GDPGP1: variants seen among roughly 807,000 people sequenced by gnomAD.
The protein encoded by GDPGP1 is GDP-D-glucose phosphorylase C15orf58.
In GDPGP1, 18 loss-of-function variants were observed where a neutral mutation model predicts 19.2. The ratio of observed to expected loss-of-function variants is 0.94; its 90% CI spans 0.65 to 1.39. GDPGP1 has a LOEUF of 1.39. Among genes scored for constraint, GDPGP1 ranks in the 40% most tolerant of loss-of-function variants. The probability of loss-of-function intolerance (pLI) is 0.00; values close to 1 mark genes in which losing one functional copy is unlikely to be tolerated. For synonymous variants in GDPGP1, 219 were observed against 208.9 expected (o/e 1.05, Z -0.42); for missense variants, 449 against 490.5 (o/e 0.92, Z 0.80).
In GDPGP1 at chr15:90,245,607, CA is replaced by C. The variant is rs1190242777; in HGVS notation, c.*3542del. On this transcript the variant is annotated 3_prime_UTR_variant, in exon 4 of 4. Transcript: ENST00000329600. ...TTTGCATGCATAAGCTCCAGTATCA[CA>C]CTTAATTTTGCTTGCTTGCTCTCTG... The C allele has an allele frequency of 3.3e-5, 5 of 152,100 alleles. No homozygotes were observed. Among genetic ancestry groups the C allele is most frequent in the African/African-American group, 1.2e-4 (5 of 41,410 alleles). The allele number at this position is 152,100 out of a possible 1,614,324, so 9.4% of individuals were successfully genotyped here.
chr15:90,236,191 A>AC (rs1256410023), intron 2 of GDPGP1: 2 of 152,186 alleles, frequency 1.3e-5, no homozygotes, highest in Non-Finnish European at 1.5e-5. Flanking sequence ...GGCATGTGCC[A>AC]CCACACCCAG....
At position 90,244,096 on chromosome 15, in the gene GDPGP1, G is replaced by A. The variant is rs1166629820; in HGVS notation, c.*2030G>A. On this transcript the variant is annotated 3_prime_UTR_variant, in exon 4 of 4. Transcript: ENST00000329600. ...CCCCATTCAAAACGGGATGGAGACT[G>A]ACAGTTTGTACTTTGTTCAAGGTCA... 1 of 152,186 alleles carries A rather than the reference G, an allele frequency of 6.6e-6. No individual in the cohort carries two copies. The highest frequency in any genetic ancestry group is 1.5e-5 in the Non-Finnish European group (1 of 68,052). 9.4% of individuals were successfully genotyped at this position (152,186 alleles called of 1,614,324 possible).
intron 2 of GDPGP1, among the ~76,000 whole-genome samples, chr15:90,235,691 C>G (rs867901650): frequency 1.3e-5 from 2 of 151,764 alleles, no homozygotes; most frequent in African/African-American, 2.4e-5. Context: ...CCTTAGCCTC[C>G]CCAGCAGCTG....
At chr15:90,239,305 ATGTGTGTGTGTGTGTGTG>A (rs4031525) in intron 3 of GDPGP1, among the ~76,000 whole-genome samples, 2 of 147,872 alleles carry the variant, frequency 1.4e-5, no homozygotes, top group African/African-American at 2.5e-5. Flanking sequence ...GAGACATAAA[ATGTGTGTGTGTGTGTGTG>A]TGTGTGTGTG....
rs138559985 is a variant in GDPGP1, at chr15:90,241,439, C to T, written c.531C>T (p.Leu177=). The T allele has an allele frequency of 6.3e-4, 1,011 of 1,613,376 alleles. 8 individuals are homozygous for T. In the African/African-American group the frequency reaches 0.012, roughly 20 times the overall value. Reference sequence around the variant, plus strand: ...TGGTGCCTGAGCCTGCCCGCCAGCTCCCCCAGCGCCTGCTGCCGGGTGCAC... The same window carrying T: ...TGGTGCCTGAGCCTGCCCGCCAGCTTCCCCAGCGCCTGCTGCCGGGTGCAC... ...VLLVPEPARQ[L]PQRLLPGALR... Residue 177 remains leucine, a synonymous_variant, in exon 4 of 4, where the codon CTC becomes CTT. Transcript: ENST00000329600.
At chr15:90,234,980 C>T (rs957503242) in intron 2 of GDPGP1, among the ~76,000 whole-genome samples, 1 of 152,222 alleles carries the variant, frequency 6.6e-6, no homozygotes, top group African/African-American at 2.4e-5. Context: ...ATCCATTATA[C>T]TTGCTGATCT....
intron 2 of GDPGP1, 72 bp downstream of exon 2, chr15:90,234,668 A>G (rs1264177714): frequency 6.6e-6 from 1 of 152,162 alleles, no homozygotes; most frequent in African/African-American, 2.4e-5. Flanking sequence ...GGGCGCCGGC[A>G]TTTAGAAGGT....
At chr15:90,239,455 C>A (rs1347199764) in intron 3 of GDPGP1, among the ~76,000 whole-genome samples, 2 of 152,090 alleles carry the variant, frequency 1.3e-5, no homozygotes, top group African/African-American at 4.8e-5. Flanking sequence ...AGGAAACTTA[C>A]AATCATGACA....
rs938049729 is a variant in GDPGP1, at chr15:90,241,403, C to T, written c.495C>T (p.Gly165=). The change falls in exon 4 of 4, where the codon GGC becomes GGT. Residue 165 remains glycine (G), a synonymous_variant. Transcript: ENST00000329600. ...VVINVSPLEW[G]HVLLVPEPAR... Reference sequence around the variant, plus strand: ...TCAACGTCAGCCCCCTGGAGTGGGGCCACGTGCTGCTGGTGCCTGAGCCTG... The same window carrying T: ...TCAACGTCAGCCCCCTGGAGTGGGGTCACGTGCTGCTGGTGCCTGAGCCTG... 6.8e-6 allele frequency: 11 copies of T among 1,613,702 alleles called. No homozygotes were observed. In the African/African-American group the frequency reaches 1.3e-4, roughly 20 times the overall value.
chr15:90,240,262 C>T (rs1280003580), intron 3 of GDPGP1, among the ~76,000 whole-genome samples: 1 of 151,850 alleles, frequency 6.6e-6, no homozygotes, highest in Non-Finnish European at 1.5e-5. Flanking sequence ...AATCCCAGCA[C>T]TTTGGGAAGC....
Position 90,243,951 on chromosome 15 carries a change from T to C in GDPGP1, c.*1885T>C. On this transcript the variant is annotated 3_prime_UTR_variant, in exon 4 of 4. Transcript: ENST00000329600. The stretch of plus-strand genomic sequence containing the variant: ...CACTGCACCTGGCCTGAGTTTTTTT[T>C]TTTTTTTCTTGAATCAGAGTTTCAC... 1 of 151,554 alleles carries C rather than the reference T, an allele frequency of 6.6e-6. No homozygotes were observed. Among genetic ancestry groups the C allele is most frequent in the Non-Finnish European group, 1.5e-5 (1 of 68,018 alleles). The allele number at this position is 151,554 out of a possible 1,614,324, so 9.4% of individuals were successfully genotyped here. A position where few individuals can be genotyped will look rare whatever the true frequency, so the allele number is the denominator to read the frequency against.
At chr15:90,235,594 G>C (rs964484238) in intron 2 of GDPGP1, among the ~76,000 whole-genome samples, 1 of 151,894 alleles carries the variant, frequency 6.6e-6, no homozygotes, top group Admixed American at 6.5e-5. Flanking sequence ...TTGAGACAGA[G>C]TCTCGCTGTG....
rs1306481557 is a variant in GDPGP1 at position 90,242,339 on chromosome 15, G to A, written c.*273G>A. ...AGCGTTTCACCATGTTGCCCAGGCT[G>A]GTCTTGAACTCTTGGGCTGAAGCAG... On this transcript the variant is annotated 3_prime_UTR_variant, in exon 4 of 4. Transcript: ENST00000329600. 3 of 241,734 alleles carry A rather than the reference G, an allele frequency of 1.2e-5. No individual in the cohort carries two copies. Among genetic ancestry groups the A allele is most frequent in the African/African-American group, 4.7e-5 (2 of 42,580 alleles). 15.0% of individuals were successfully genotyped at this position (241,734 alleles called of 1,614,324 possible). A position where few individuals can be genotyped will look rare whatever the true frequency, so the allele number is the denominator to read the frequency against.
rs749418249 is a variant in GDPGP1, at chr15:90,241,231, C to T, written c.323C>T (p.Pro108Leu). Reference sequence around the variant, plus strand: ...GTGGAGCGTGGTGTGCAGAGGAGGCCCCCGCAGACCATCAAGAGTGTGAGG... The same window carrying T: ...GTGGAGCGTGGTGTGCAGAGGAGGCTCCCGCAGACCATCAAGAGTGTGAGG... Reference protein sequence around the residue: ...LNVERGVQRRPPQTIKSVRQA... With the variant: ...LNVERGVQRRLPQTIKSVRQA... Residue 108 changes from proline (P) to leucine (L), a missense_variant, in exon 4 of 4, where the codon CCC (proline) becomes CTC (leucine). Pro to Leu is a moderately conservative substitution (Grantham distance 98). Transcript: ENST00000329600. 6.0e-5 allele frequency: 97 copies of T among 1,614,012 alleles called. No individual in the cohort carries two copies. The highest frequency in any genetic ancestry group is 1.6e-4 in the Middle Eastern group (1 of 6,084).
Position 90,234,211 on chromosome 15 carries a change from A to G in GDPGP1, c.-223A>G, listed in dbSNP as rs8028260. 37,556 of 275,510 alleles carry G rather than the reference A, an allele frequency of 0.14. 3,769 individuals are homozygous for G. Among genetic ancestry groups the G allele is most frequent in the African/African-American group, 0.24 (10,738 of 44,936 alleles). The allele number at this position is 275,510 out of a possible 1,614,324, so 17.1% of individuals were successfully genotyped here. A position where few individuals can be genotyped will look rare whatever the true frequency, so the allele number is the denominator to read the frequency against. On this transcript the variant is annotated 5_prime_UTR_variant, in exon 1 of 4. The change abolishes an upstream ATG in the 5' untranslated region. Transcript: ENST00000329600. Reference sequence around the variant, plus strand: ...CCGCGCGCGTGCGTGCTGGCTGCGTATGCGTCACGGGCGTCATGACCTCGC... The same window carrying G: ...CCGCGCGCGTGCGTGCTGGCTGCGTGTGCGTCACGGGCGTCATGACCTCGC...
rs983787207 is a variant in GDPGP1 at position 90,243,647 on chromosome 15, T to G, written c.*1581T>G. ...CACCACACCTTGGTGCAGGTTTTTT[T>G]TTTTTTTTTTTTTTTTTTTTTTTGA... On this transcript the variant is annotated 3_prime_UTR_variant, in exon 4 of 4. Coordinates refer to ENST00000329600, the MANE Select transcript of GDPGP1 (RefSeq NM_001013657.3). 2.3e-5 allele frequency: 1 copy of G among 43,964 alleles called. No individual in the cohort carries two copies. The highest frequency in any genetic ancestry group is 4.8e-5 in the Non-Finnish European group (1 of 20,966). The allele number at this position is 43,964 out of a possible 1,614,324, so 2.7% of individuals were successfully genotyped here.
chr15:90,241,365 A>C lies in GDPGP1; in HGVS notation c.457A>C (p.Ile153Leu). The change falls in exon 4 of 4, where the codon ATC (isoleucine) becomes CTC (leucine). Residue 153 changes from isoleucine (I) to leucine (L), a missense_variant. Ile to Leu is a conservative substitution (Grantham distance 5). Coordinates refer to ENST00000329600, the MANE Select transcript of GDPGP1 (RefSeq NM_001013657.3). ...DLPGTLLQED[I>L]LVVINVSPLE... The stretch of plus-strand genomic sequence containing the variant: ...CCCTGGGACTCTGCTGCAAGAAGAC[A>C]TCCTGGTGGTGATCAACGTCAGCCC... 6.2e-7 allele frequency: 1 copy of C among 1,614,162 alleles called. No homozygotes were observed. The highest frequency in any genetic ancestry group is 1.7e-5 in the Admixed American group (1 of 60,020).
intron 2 of GDPGP1, among the ~76,000 whole-genome samples, chr15:90,234,802 T>C (rs1962597635): frequency 6.6e-6 from 1 of 152,176 alleles, no homozygotes; most frequent in South Asian, 2.1e-4. Flanking sequence ...TTGTCCCCTC[T>C]TAACCTCTAG....
chr15:90,244,690 C>G lies in GDPGP1; in HGVS notation c.*2624C>G, dbSNP rs4932308. On this transcript the variant is annotated 3_prime_UTR_variant, in exon 4 of 4. Transcript: ENST00000329600. ...ATACAAAAATTAGGCGTTGTGGCGG[C>G]CACCTGTAATCCCATCTACTTGGGA... is the stretch of plus-strand genomic sequence containing the variant. 0.53 allele frequency: 79,733 copies of G among 151,676 alleles called. 22,448 individuals are homozygous for G. Among genetic ancestry groups the G allele is most frequent in the African/African-American group, 0.72 (29,577 of 41,272 alleles). The allele number at this position is 151,676 out of a possible 1,614,324, so 9.4% of individuals were successfully genotyped here.
Sources: gnomAD v4.1 joint callset for allele counts (sites outside exome capture counted in the v4.1 genomes callset) on GRCh38, gnomAD v4.1.1 for gene constraint, MANE v1.5 for transcripts, NCBI Gene and HGNC (gene_info 2026-07-23, HGNC 2026-07-21) for gene names.